Variants in PKHD1 observed in about 807,000 individuals in gnomAD.
The protein encoded by PKHD1 is PKHD1 ciliary IPT domain containing fibrocystin/polyductin.
In PKHD1, 291 loss-of-function variants were observed where a neutral mutation model predicts 412.0. The ratio of observed to expected loss-of-function variants is 0.71; its 90% CI spans 0.64 to 0.78. The LOEUF is 0.78. PKHD1 is among the 30% of genes least tolerant of loss of function. PKHD1 has a pLI of 0.00. For synonymous variants in PKHD1, 1,777 were observed against 1,821.5 expected (o/e 0.98, Z 0.62); for missense variants, 4,825 against 4,950.7 (o/e 0.97, Z 0.76).
At chr6:52,044,158 AGT>A (rs1805393487) in intron 25 of PKHD1, among the ~76,000 whole-genome samples, 1 of 152,166 alleles carries the variant, frequency 6.6e-6, no homozygotes, top group African/African-American at 2.4e-5. Flanking sequence ...TAAAGACTAG[AGT>A]GTATTTGGAC....
chr6:51,975,200 T>C (rs1794213040), intron 35 of PKHD1, among the ~76,000 whole-genome samples: 1 of 152,148 alleles, frequency 6.6e-6, no homozygotes, highest in African/African-American at 2.4e-5. Flanking sequence ...CGTTTCTTTG[T>C]TTTTACTTAG....
intron 52 of PKHD1, among the ~76,000 whole-genome samples, chr6:51,794,129 C>T (rs1382309121): frequency 2.0e-5 from 3 of 150,752 alleles, no homozygotes; most frequent in Non-Finnish European, 4.4e-5. Context: ...CTCTGCCTCC[C>T]GGGTTCACAC....
intron 52 of PKHD1, among the ~76,000 whole-genome samples, chr6:51,828,665 C>A (rs776870607): frequency 2.6e-5 from 4 of 151,930 alleles, no homozygotes; most frequent in African/African-American, 7.3e-5. Context: ...GTCTACTTTG[C>A]GCCAGAGTCA....
Position 52,026,017 on chromosome 6 carries a change from C to T in PKHD1, c.3793G>A (p.Val1265Ile), listed in dbSNP as rs1261203627. 2 of 1,614,132 alleles carry T rather than the reference C, an allele frequency of 1.2e-6. No individual in the cohort carries two copies. Among genetic ancestry groups the T allele is most frequent in the Admixed American group, 1.7e-5 (1 of 60,030 alleles). The change falls in exon 32 of 67, where the codon GTT becomes ATT. Residue 1265 changes from valine (V) to isoleucine (I), a missense_variant. By Grantham distance (29) the Val-to-Ile change is conservative (BLOSUM62 3). Coordinates refer to ENST00000371117, the MANE Select transcript of PKHD1 (RefSeq NM_138694.4). ...PQIPDAGAPT[V>I]PAAVEVWAGN... ...GCCCAGACCTCCACGGCAGCTGGAA[C>T]AGTGGGAGCGCCCGCATCGGGTATC...
At chr6:51,692,691 T>C (rs761006327) in intron 60 of PKHD1, among the ~76,000 whole-genome samples, 2 of 152,206 alleles carry the variant, frequency 1.3e-5, no homozygotes, top group African/African-American at 2.4e-5. Context: ...GTTTTCTATA[T>C]AATAAACATC....
At chr6:52,061,756 C>T (rs1277481780) in intron 14 of PKHD1, among the ~76,000 whole-genome samples, 1 of 152,026 alleles carries the variant, frequency 6.6e-6, no homozygotes, top group East Asian at 1.9e-4. Flanking sequence ...AATTCACACT[C>T]ATGAGTCACA....
chr6:51,749,986 T>C (rs868492270), intron 57 of PKHD1, among the ~76,000 whole-genome samples: 1 of 152,226 alleles, frequency 6.6e-6, no homozygotes, highest in African/African-American at 2.4e-5. Flanking sequence ...TTGAAGTTTC[T>C]GTTTCACTGT....
At chr6:51,851,102 T>G (rs1772146787) in intron 49 of PKHD1, among the ~76,000 whole-genome samples, 1 of 152,208 alleles carries the variant, frequency 6.6e-6, no homozygotes, top group Non-Finnish European at 1.5e-5. Flanking sequence ...GCTTTTAACA[T>G]GAAGGGATGT....
rs1581698349 is a variant in PKHD1, at chr6:51,617,808, A to G, written c.*1273T>C. On this transcript the variant is annotated 3_prime_UTR_variant, in exon 67 of 67. Coordinates refer to ENST00000371117, the MANE Select transcript of PKHD1 (RefSeq NM_138694.4). ...GGGCATCATTATTTAGAATTCAGCA[A>G]TGAAAGAGTGTGTTTCCTTTCTCTC... The G allele has an allele frequency of 6.6e-6, 1 of 152,206 alleles. No homozygotes were observed. Among genetic ancestry groups the G allele is most frequent in the African/African-American group, 2.4e-5 (1 of 41,452 alleles). The allele number at this position is 152,206 out of a possible 1,614,324, so 9.4% of individuals were successfully genotyped here.
chr6:51,967,151 A>G, intron 35 of PKHD1, among the ~76,000 whole-genome samples: 1 of 152,144 alleles, frequency 6.6e-6, no homozygotes, highest in Non-Finnish European at 1.5e-5. Flanking sequence ...TAGAAAAAAA[A>G]AATCAAGGAA....
At chr6:51,761,660 A>G (rs1788037321) in intron 55 of PKHD1, among the ~76,000 whole-genome samples, 1 of 152,124 alleles carries the variant, frequency 6.6e-6, no homozygotes, top group Non-Finnish European at 1.5e-5. Flanking sequence ...TAGCCAATCC[A>G]CAATGCAATA....
intron 27 of PKHD1, among the ~76,000 whole-genome samples, chr6:52,042,336 G>T (rs940949699): frequency 6.6e-6 from 1 of 152,166 alleles, no homozygotes; most frequent in Non-Finnish European, 1.5e-5. Context: ...AAGGAAAAGG[G>T]CTTTATGCTC....
At chr6:51,978,042 G>C (rs1338014534) in intron 35 of PKHD1, among the ~76,000 whole-genome samples, 1 of 152,186 alleles carries the variant, frequency 6.6e-6, no homozygotes, top group African/African-American at 2.4e-5. Flanking sequence ...ATCCCAGCAG[G>C]AGGATCTATA....
At chr6:51,671,291 A>G (rs1774924927) in intron 60 of PKHD1, among the ~76,000 whole-genome samples, 2 of 151,804 alleles carry the variant, frequency 1.3e-5, no homozygotes, top group South Asian at 4.2e-4. Context: ...ACTTCATTTC[A>G]TTCACTTCAT....
intron 37 of PKHD1, among the ~76,000 whole-genome samples, chr6:51,930,147 T>C (rs1008920075): frequency 2.6e-5 from 4 of 152,184 alleles, no homozygotes; most frequent in African/African-American, 9.7e-5. Flanking sequence ...GTGGTGAACC[T>C]GGATTGGCAG....
intron 33 of PKHD1, among the ~76,000 whole-genome samples, chr6:52,022,197 C>T (rs1801494985): frequency 6.6e-6 from 1 of 152,110 alleles, no homozygotes; most frequent in African/African-American, 2.4e-5. Flanking sequence ...TCTCATACCA[C>T]AATTTATATG....
intron 57 of PKHD1, among the ~76,000 whole-genome samples, chr6:51,752,573 C>T (rs764649724): frequency 6.6e-6 from 1 of 152,154 alleles, no homozygotes; most frequent in African/African-American, 2.4e-5. Flanking sequence ...TCGGCCTTCT[C>T]CAGGCCTTTA....
At chr6:52,048,944 TG>T (rs1192488009) in intron 22 of PKHD1, among the ~76,000 whole-genome samples, 1 of 152,188 alleles carries the variant, frequency 6.6e-6, no homozygotes, top group Non-Finnish European at 1.5e-5. Flanking sequence ...CAGAGGACCA[TG>T]GAACAAACAT....
At chr6:51,863,022 T>C (rs1774449186) in intron 48 of PKHD1, among the ~76,000 whole-genome samples, 1 of 152,178 alleles carries the variant, frequency 6.6e-6, no homozygotes, top group Non-Finnish European at 1.5e-5. Flanking sequence ...AAATCACAAA[T>C]GTAAAATAGA....
Sources: gnomAD v4.1 joint callset for allele counts (sites outside exome capture counted in the v4.1 genomes callset) on GRCh38, gnomAD v4.1.1 for gene constraint, MANE v1.5 for transcripts, NCBI Gene and HGNC (gene_info 2026-07-23, HGNC 2026-07-21) for gene names.